FBLN5: variants seen among roughly 807,000 people sequenced by gnomAD.
The protein encoded by FBLN5 is fibulin 5, also known as fibulin-5.
A neutral mutation model predicts 61.6 loss-of-function variants in FBLN5; 24 were observed. The observed-to-expected ratio is 0.39, with a 90% CI of 0.28 to 0.55. The LOEUF is 0.55. Ranked by LOEUF, FBLN5 falls within the 20% of genes least tolerant of loss-of-function variation. The probability of loss-of-function intolerance (pLI) is 0.65; values close to 1 mark genes in which losing one functional copy is unlikely to be tolerated. For synonymous variants in FBLN5, 213 were observed against 219.8 expected (o/e 0.97, Z 0.27); for missense variants, 470 against 594.1 (o/e 0.79, Z 2.17).
intron 4 of FBLN5, among the ~76,000 whole-genome samples, chr14:91,903,960 A>G (rs1307729717): frequency 6.6e-6 from 1 of 152,122 alleles, no homozygotes; most frequent in East Asian, 1.9e-4. Flanking sequence ...ACCTCAAAAC[A>G]CAAAAATGGC....
intron 10 of FBLN5, chr14:91,874,053 T>A (rs1311396800): frequency 6.6e-6 from 1 of 152,222 alleles, no homozygotes; most frequent in Admixed American, 6.5e-5. Context: ...GGCTTATGAA[T>A]GGGCTTGTGT....
At chr14:91,919,539 C>A (rs2055697912) in intron 4 of FBLN5, among the ~76,000 whole-genome samples, 1 of 152,066 alleles carries the variant, frequency 6.6e-6, no homozygotes, top group Non-Finnish European at 1.5e-5. Context: ...ATATTCAAGT[C>A]CTAACCCCCA....
intron 3 of FBLN5, among the ~76,000 whole-genome samples, chr14:91,939,081 C>T (rs185049116): frequency 3.3e-5 from 5 of 152,230 alleles, no homozygotes; most frequent in Admixed American, 2.0e-4. Flanking sequence ...AGCATGGTGA[C>T]GTTAGCTCAG....
Position 91,947,280 on chromosome 14 carries a change from C to T in FBLN5, c.-51G>A. 1 of 1,613,176 alleles carries T rather than the reference C, an allele frequency of 6.2e-7. No homozygotes were observed. Among genetic ancestry groups the T allele is most frequent in the Non-Finnish European group, 8.5e-7 (1 of 1,179,336 alleles). ...CGAAGGCGAGAAGAAAGCTCGCGGGCGGGACCCCCGGAGGAGCTCGGGCAC... is the reference window on the plus strand; with the variant it reads ...CGAAGGCGAGAAGAAAGCTCGCGGGTGGGACCCCCGGAGGAGCTCGGGCAC... On this transcript the variant is annotated 5_prime_UTR_variant, in exon 1 of 11. Coordinates refer to ENST00000342058, the MANE Select transcript of FBLN5 (RefSeq NM_006329.4). This position sits in a 1 kb window ranked among gnomAD's most constrained non-coding sequence, Gnocchi z 4.3.
At chr14:91,945,783 T>C (rs1422045174) in intron 1 of FBLN5, among the ~76,000 whole-genome samples, 1 of 152,196 alleles carries the variant, frequency 6.6e-6, no homozygotes, top group Non-Finnish European at 1.5e-5. Context: ...TGTAAGTGCC[T>C]GGGTGAGCCA....
chr14:91,906,965 G>T (rs1890710990), intron 4 of FBLN5, among the ~76,000 whole-genome samples: 1 of 152,216 alleles, frequency 6.6e-6, no homozygotes, highest in Non-Finnish European at 1.5e-5. Context: ...AACTCAGGAT[G>T]GTGAATGTCA....
At chr14:91,885,978 T>G (rs1254703649) in intron 7 of FBLN5, among the ~76,000 whole-genome samples, 1 of 152,252 alleles carries the variant, frequency 6.6e-6, no homozygotes, top group Non-Finnish European at 1.5e-5. Flanking sequence ...TGGAACTTCC[T>G]GCTTGTGGCT....
In FBLN5 at chr14:91,870,067, T is replaced by C; in HGVS notation, c.*157A>G. On this transcript the variant is annotated 3_prime_UTR_variant, in exon 11 of 11. Transcript: ENST00000342058. ...CTGCAGGGTGACAGGTCTGCAATAG[T>C]ACAGGTGAGAGTCAGGAAGTCGGGG... 1.3e-6 allele frequency: 1 copy of C among 749,100 alleles called. No homozygotes were observed. The highest frequency in any genetic ancestry group is 2.3e-6 in the Non-Finnish European group (1 of 430,120). 46.4% of individuals were successfully genotyped at this position (749,100 alleles called of 1,614,324 possible).
intron 4 of FBLN5, among the ~76,000 whole-genome samples, chr14:91,921,762 C>T (rs116018998): frequency 1.3e-5 from 2 of 152,192 alleles, no homozygotes; most frequent in Non-Finnish European, 2.9e-5. Context: ...AGAATGAGCC[C>T]GCAATGTGAA....
chr14:91,930,209 G>A (rs2055900120), intron 4 of FBLN5, among the ~76,000 whole-genome samples: 1 of 152,198 alleles, frequency 6.6e-6, no homozygotes, highest in South Asian at 2.1e-4. Flanking sequence ...CTCGATGTTA[G>A]ACAATTTGCA....
intron 4 of FBLN5, among the ~76,000 whole-genome samples, chr14:91,895,745 C>T (rs1890195594): frequency 7.0e-6 from 1 of 142,896 alleles, no homozygotes; most frequent in Admixed American, 7.7e-5. Flanking sequence ...CTGCAGTGAG[C>T]CGAGATCGCA....
rs1281987567 is a variant in FBLN5, at chr14:91,947,051, G to GC, written c.17+161dup. 1.5e-5 allele frequency: 23 copies of GC among 1,539,938 alleles called. No homozygotes were observed. The African/African-American group carries it at 1.8e-4, about 12-fold the overall frequency. ...ACGCTTCAAGATGGAAATTACAGAG[G>GC]CGCAGCTTTTTATAATTAACAATAT... On this transcript the variant is annotated intron_variant, in intron 1 of 10. Coordinates refer to ENST00000342058, the MANE Select transcript of FBLN5 (RefSeq NM_006329.4). This position sits in a 1 kb window ranked among gnomAD's most constrained non-coding sequence, Gnocchi z 4.3.
intron 10 of FBLN5, chr14:91,873,644 G>GAA (rs2139943187): frequency 6.6e-6 from 1 of 152,420 alleles, no homozygotes; most frequent in Admixed American, 6.5e-5. Flanking sequence ...TGCCTGACTT[G>GAA]AAGCCTCATA....
At chr14:91,929,106 C>T (rs1482167421) in intron 4 of FBLN5, among the ~76,000 whole-genome samples, 1 of 146,614 alleles carries the variant, frequency 6.8e-6, no homozygotes, top group Non-Finnish European at 1.5e-5. Flanking sequence ...CACACACACA[C>T]ACACACACCC....
chr14:91,914,204 G>A (rs757199706), intron 4 of FBLN5, among the ~76,000 whole-genome samples: 65 of 152,012 alleles, frequency 4.3e-4, no homozygotes, highest in African/African-American at 7.0e-4. Flanking sequence ...TTAGCTGGGC[G>A]CAGTAGCTCA....
At chr14:91,893,035 A>G (rs1219085426) in intron 5 of FBLN5, among the ~76,000 whole-genome samples, 1 of 152,044 alleles carries the variant, frequency 6.6e-6, no homozygotes, top group Non-Finnish European at 1.5e-5. Flanking sequence ...CACCCCTCAC[A>G]TCAGAGGGTT....
At chr14:91,946,323 A>G (rs542964026) in intron 1 of FBLN5, among the ~76,000 whole-genome samples, 4 of 152,100 alleles carry the variant, frequency 2.6e-5, no homozygotes, top group African/African-American at 9.6e-5. Context: ...TGAACTAACT[A>G]TAAGAATAGC....
Position 91,895,118 on chromosome 14 carries a change from G to A in FBLN5, c.380-46C>T, listed in dbSNP as rs199527587. The A allele has an allele frequency of 1.1e-5, 18 of 1,611,840 alleles. No homozygotes were observed. The Admixed American group carries it at 3.0e-4, about 27-fold the overall frequency. Reference sequence around the variant, plus strand: ...AAAGAATGTCACTCACATCCATCTAGAGCCCTGGAGCCACCAGGGGTGCCA... The same window carrying A: ...AAAGAATGTCACTCACATCCATCTAAAGCCCTGGAGCCACCAGGGGTGCCA... On this transcript the variant is annotated intron_variant, in intron 4 of 10. Transcript: ENST00000342058.
chr14:91,940,503 A>C, intron 3 of FBLN5, 62 bp downstream of exon 3: 1 of 1,323,410 alleles, frequency 7.6e-7, no homozygotes, highest in East Asian at 2.3e-5. Context: ...AGAAAGAAAT[A>C]AATAGCACTG....
Sources: gnomAD v4.1 joint callset for allele counts (sites outside exome capture counted in the v4.1 genomes callset) on GRCh38, gnomAD v4.1.1 for gene constraint, Gnocchi (gnomAD v3.1) non-coding constraint, MANE v1.5 for transcripts, NCBI Gene and HGNC (gene_info 2026-07-23, HGNC 2026-07-21) for gene names.